SYNPR: variants seen among roughly 807,000 people sequenced by gnomAD.
SYNPR encodes the protein synaptoporin.
Under a neutral mutation model 32.9 loss-of-function variants are expected in SYNPR, and 23 were observed. That is an observed-to-expected ratio of 0.70 (90% CI 0.50 to 0.99). The LOEUF (loss-of-function observed/expected upper bound fraction) is 0.99, where lower values mean the gene tolerates loss of function less well. Ranked by LOEUF, SYNPR falls within the 50% of genes least tolerant of loss-of-function variation. SYNPR has a pLI of 0.00. For synonymous variants in SYNPR, 146 were observed against 135.9 expected, an observed-to-expected ratio of 1.07 and a Z score of -0.52; for missense variants, 318 against 349.3, an observed-to-expected ratio of 0.91 and a Z score of 0.71.
chr3:63,494,450 C>CAT (rs1286322808), intron 3 of SYNPR, among the ~76,000 whole-genome samples: 437 of 86,290 alleles, frequency 5.1e-3, no homozygotes, highest in Non-Finnish European at 7.4e-3. Flanking sequence ...TATATATACA[C>CAT]ATATATATAC....
chr3:63,408,323 A>G lies in SYNPR; in HGVS notation c.85-72509A>G, dbSNP rs775736555. On this transcript the variant is annotated intron_variant, in intron 2 of 5. Coordinates refer to ENST00000478300, the MANE Select transcript of SYNPR (RefSeq NM_001130003.2). The stretch of plus-strand genomic sequence containing the variant: ...AGGAAGGAAGGAAGGAAGGAAGGAA[A>G]GAAAGAAAGAAAGAAAGAAAGAAAG... 6.6e-3 allele frequency among the ~76,000 whole-genome samples: 460 copies of G among 69,696 alleles called. 2 individuals carry two copies. Among genetic ancestry groups the G allele is most frequent in the Non-Finnish European group, 9.8e-3 (305 of 31,036 alleles). The allele number at this position is 69,696 out of a possible 152,430, so 45.7% of individuals were successfully genotyped here. A position where few individuals can be genotyped will look rare whatever the true frequency, so the allele number is the denominator to read the frequency against.
intron 1 of SYNPR, among the ~76,000 whole-genome samples, chr3:63,240,490 G>A (rs1389381371): frequency 6.6e-6 from 1 of 152,098 alleles, no homozygotes; most frequent in Non-Finnish European, 1.5e-5. Flanking sequence ...CCGAAGTCTA[G>A]AAGGAAATGA....
chr3:63,440,968 T>G (rs1700159364), intron 2 of SYNPR, among the ~76,000 whole-genome samples: 1 of 152,172 alleles, frequency 6.6e-6, no homozygotes, highest in African/African-American at 2.4e-5. Flanking sequence ...GCAGGGTCCA[T>G]GCATCCAAAT....
chr3:63,398,408 A>G (rs1400172848), intron 2 of SYNPR, among the ~76,000 whole-genome samples: 1 of 152,180 alleles, frequency 6.6e-6, no homozygotes, highest in East Asian at 1.9e-4. Context: ...AGAGACCTGT[A>G]TTTGAATCTG....
chr3:63,517,957 C>T (rs772223426), intron 3 of SYNPR, among the ~76,000 whole-genome samples: 2 of 152,080 alleles, frequency 1.3e-5, no homozygotes, highest in Admixed American at 6.6e-5. Flanking sequence ...CGTGCATGTA[C>T]GGAAGGAATG....
chr3:63,611,835 T>TGCCCACCTC (rs1700203667), intron 5 of SYNPR, among the ~76,000 whole-genome samples: 2 of 152,188 alleles, frequency 1.3e-5, no homozygotes, highest in Non-Finnish European at 2.9e-5. Context: ...TTGCCCACCT[T>TGCCCACCTC]AGGCCAGATG....
intron 2 of SYNPR, chr3:63,426,814 A>AG (rs138524724): frequency 9.9e-6 from 1 of 100,984 alleles, no homozygotes; most frequent in Non-Finnish European, 2.3e-5. Flanking sequence ...AGACTAAAAG[A>AG]AAAAAAAACA....
intron 2 of SYNPR, among the ~76,000 whole-genome samples, chr3:63,287,312 C>A (rs888299153): frequency 1.3e-5 from 2 of 152,080 alleles, no homozygotes; most frequent in Non-Finnish European, 2.9e-5. Context: ...ACTTCCACTG[C>A]CCAGAATGCT....
At chr3:63,452,630 C>A (rs12630302) in intron 2 of SYNPR, among the ~76,000 whole-genome samples, 19,994 of 152,000 alleles carry the variant, frequency 0.13, 1,587 homozygotes, top group East Asian at 0.3. Flanking sequence ...GGACTTGAAC[C>A]TTCACAACAG....
chr3:63,453,117 C>G (rs970102716), intron 2 of SYNPR, among the ~76,000 whole-genome samples: 1 of 152,144 alleles, frequency 6.6e-6, no homozygotes. Context: ...TTTTAATGAT[C>G]TCCAGATGAT....
chr3:63,373,628 G>A (rs889336570), intron 2 of SYNPR, among the ~76,000 whole-genome samples: 1 of 152,162 alleles, frequency 6.6e-6, no homozygotes, highest in African/African-American at 2.4e-5. Flanking sequence ...AAAGTGATGG[G>A]AAGAAAGCAG....
Position 63,278,752 on chromosome 3 carries a change from A to AGT in SYNPR, c.84+18_84+19dup, listed in dbSNP as rs1560176925. The stretch of plus-strand genomic sequence containing the variant: ...GCGAGCCCTGGAATTGGTGAGTAGC[A>AGT]GTGTGTGTGCAGGGAGGGGCGCCAG... On this transcript the variant is annotated intron_variant, in intron 2 of 5. Coordinates refer to ENST00000478300, the MANE Select transcript of SYNPR (RefSeq NM_001130003.2). 3.9e-6 allele frequency: 6 copies of AGT among 1,551,290 alleles called. No individual in the cohort carries two copies. The highest frequency in any genetic ancestry group is 2.4e-5 in the East Asian group (1 of 40,886).
chr3:63,539,560 T>C (rs553176085), intron 3 of SYNPR, among the ~76,000 whole-genome samples: 2 of 152,242 alleles, frequency 1.3e-5, no homozygotes, highest in East Asian at 3.9e-4. Context: ...AAGAAGGGTA[T>C]GGTCCTTGCC....
chr3:63,219,823 T>G, the SYNPR span, among the ~76,000 whole-genome samples: 1 of 152,154 alleles, frequency 6.6e-6, no homozygotes, highest in Non-Finnish European at 1.5e-5. Context: ...CGTTTGTCTT[T>G]CTTTTCCAGG....
chr3:63,362,715 G>A lies in SYNPR; in HGVS notation c.84+83973G>A, dbSNP rs1332775151. 2.6e-5 allele frequency among the ~76,000 whole-genome samples: 4 copies of A among 152,124 alleles called. No homozygotes were observed. In the East Asian group the frequency reaches 7.7e-4, roughly 29 times the overall value. On this transcript the variant is annotated intron_variant, in intron 2 of 5. Transcript: ENST00000478300. Reference sequence around the variant, plus strand: ...GCCTAACCTAACTTTATTAGGGTGGGTATTAGGAAAGGCTTCCATGAGAAG... The same window carrying A: ...GCCTAACCTAACTTTATTAGGGTGGATATTAGGAAAGGCTTCCATGAGAAG...
chr3:63,211,679 T>C, the SYNPR span, among the ~76,000 whole-genome samples: 1 of 151,132 alleles, frequency 6.6e-6, no homozygotes. Context: ...TGCTGAGAAA[T>C]CAGGTTTTAA....
intron 2 of SYNPR, among the ~76,000 whole-genome samples, chr3:63,361,345 T>C (rs993194173): frequency 4.6e-5 from 7 of 151,990 alleles, no homozygotes; most frequent in African/African-American, 1.7e-4. Context: ...CCCAGCACTT[T>C]GGGAGGCCAA....
chr3:63,498,353 G>A (rs1024113709), intron 3 of SYNPR, among the ~76,000 whole-genome samples: 2 of 152,114 alleles, frequency 1.3e-5, no homozygotes, highest in Non-Finnish European at 2.9e-5. Flanking sequence ...CGGGAATCCA[G>A]TGGAGAGCAA....
intron 4 of SYNPR, among the ~76,000 whole-genome samples, chr3:63,595,455 T>A (rs1010386783): frequency 6.6e-6 from 1 of 151,372 alleles, no homozygotes. Flanking sequence ...GTCTAGGGGA[T>A]TAGTGGGATT....
Sources: gnomAD v4.1 joint callset for allele counts (sites outside exome capture counted in the v4.1 genomes callset) on GRCh38, gnomAD v4.1.1 for gene constraint, MANE v1.5 for transcripts, NCBI Gene and HGNC (gene_info 2026-07-23, HGNC 2026-07-21) for gene names.